The following SGMS1 variants were observed in gnomAD, a reference collection of about 807,000 sequenced individuals.
SGMS1 encodes phosphatidylcholine:ceramide cholinephosphotransferase 1.
In SGMS1, 13 loss-of-function variants were observed where a neutral mutation model predicts 46.2. The ratio of observed to expected loss-of-function variants is 0.28; its 90% CI spans 0.18 to 0.45. The LOEUF is 0.45. Ranked by LOEUF, SGMS1 falls within the 20% of genes least tolerant of loss-of-function variation. The pLI is 1.00. For missense variants in SGMS1, 324 were observed against 519.9 expected (o/e 0.62, Z 3.66); for synonymous variants, 203 against 187.8 (o/e 1.08, Z -0.66).
At chr10:50,367,262 C>T (rs2133433154) in intron 6 of SGMS1, among the ~76,000 whole-genome samples, 1 of 152,194 alleles carries the variant, frequency 6.6e-6, no homozygotes, top group East Asian at 1.9e-4. Flanking sequence ...GGAACACAAC[C>T]CTAGGGACTA....
intron 3 of SGMS1, among the ~76,000 whole-genome samples, chr10:50,503,095 A>G (rs1008464143): frequency 2.6e-5 from 4 of 152,212 alleles, no homozygotes; most frequent in African/African-American, 9.7e-5. Context: ...AGAATCCTTT[A>G]TTCCTTAAAG....
chr10:50,498,886 C>T (rs796236860), intron 3 of SGMS1, among the ~76,000 whole-genome samples: 1 of 152,150 alleles, frequency 6.6e-6, no homozygotes, highest in South Asian at 2.1e-4. Flanking sequence ...CAGGAACTGT[C>T]ATATTGTTTT....
At chr10:50,387,344 C>T (rs1458771204) in intron 6 of SGMS1, among the ~76,000 whole-genome samples, 4 of 152,182 alleles carry the variant, frequency 2.6e-5, no homozygotes, top group Non-Finnish European at 4.4e-5. Context: ...AACACATACA[C>T]CCACTTCCTC....
chr10:50,517,924 TAA>T (rs1436305387), intron 3 of SGMS1, among the ~76,000 whole-genome samples: 1 of 151,736 alleles, frequency 6.6e-6, no homozygotes, highest in Non-Finnish European at 1.5e-5. Flanking sequence ...AAGAGTGAAA[TAA>T]AGACATTTCA....
upstream of SGMS1, chr10:50,624,787 C>T: frequency 3.0e-6 from 3 of 986,426 alleles, no homozygotes; most frequent in Non-Finnish European, 3.6e-6. Flanking sequence ...CTGGCCTTCC[C>T]GCCCCGATGC....
intron 1 of SGMS1, among the ~76,000 whole-genome samples, chr10:50,604,989 C>T (rs1401998536): frequency 6.6e-6 from 1 of 152,228 alleles, no homozygotes; most frequent in Non-Finnish European, 1.5e-5. Flanking sequence ...TTTAAAACCA[C>T]CAGTTAGTCA....
At chr10:50,394,438 T>C (rs2133517962) in intron 6 of SGMS1, among the ~76,000 whole-genome samples, 1 of 152,334 alleles carries the variant, frequency 6.6e-6, no homozygotes, top group South Asian at 2.1e-4. Context: ...TTATGACACC[T>C]GACAAAGCAG....
intron 7 of SGMS1, among the ~76,000 whole-genome samples, chr10:50,329,500 G>T (rs764011452): frequency 3.3e-5 from 5 of 152,312 alleles, no homozygotes; most frequent in Non-Finnish European, 7.4e-5. Flanking sequence ...AGCTTAGAAT[G>T]TCTTTGGCGT....
intron 2 of SGMS1, among the ~76,000 whole-genome samples, chr10:50,582,702 T>C (rs1374995044): frequency 6.6e-6 from 1 of 152,222 alleles, no homozygotes; most frequent in East Asian, 1.9e-4. Context: ...GCACCGTTCA[T>C]GTGGGAAGCT....
intron 6 of SGMS1, among the ~76,000 whole-genome samples, chr10:50,359,090 T>C (rs985031213): frequency 1.2e-4 from 18 of 152,190 alleles, no homozygotes; most frequent in Admixed American, 8.5e-4. Flanking sequence ...TCATCCCCTA[T>C]GAAATGGCCC....
Position 50,574,652 on chromosome 10 carries a change from T to G in SGMS1, c.-589+15501A>C, listed in dbSNP as rs1467810575. Reference sequence around the variant, plus strand: ...CTTGTGGGTATATATCCAAAAGAACTGAAATCAGGATCTTGAGGAGATACC... The same window carrying G: ...CTTGTGGGTATATATCCAAAAGAACGGAAATCAGGATCTTGAGGAGATACC... On this transcript the variant is annotated intron_variant, in intron 2 of 10. Transcript: ENST00000361781. Among the ~76,000 whole-genome samples the G allele has an allele frequency of 3.9e-5, 6 of 152,052 alleles. No homozygotes were observed. The South Asian group carries it at 1.2e-3, about 32-fold the overall frequency.
intron 1 of SGMS1, among the ~76,000 whole-genome samples, chr10:50,593,157 A>G (rs183052595): frequency 1.3e-5 from 2 of 152,346 alleles, no homozygotes; most frequent in African/African-American, 4.8e-5. Flanking sequence ...GCCTCTTGCC[A>G]AGAACCAGCA....
chr10:50,404,457 A>G (rs1848985339), intron 6 of SGMS1, among the ~76,000 whole-genome samples: 1 of 152,050 alleles, frequency 6.6e-6, no homozygotes, highest in African/African-American at 2.4e-5. Flanking sequence ...AAAATACAAA[A>G]AACTAGGTGG....
intron 6 of SGMS1, among the ~76,000 whole-genome samples, chr10:50,378,218 T>C (rs553633101): frequency 6.6e-6 from 1 of 152,332 alleles, no homozygotes; most frequent in African/African-American, 2.4e-5. Flanking sequence ...ACTTGATTAA[T>C]GGAGCCATCT....
At chr10:50,487,854 G>A (rs2133732974) in intron 3 of SGMS1, among the ~76,000 whole-genome samples, 1 of 151,840 alleles carries the variant, frequency 6.6e-6, no homozygotes, top group Middle Eastern at 3.4e-3. Flanking sequence ...AAACATAATT[G>A]GGTTTTATCC....
At chr10:50,517,112 A>G (rs1241419360) in intron 3 of SGMS1, among the ~76,000 whole-genome samples, 1 of 152,194 alleles carries the variant, frequency 6.6e-6, no homozygotes, top group South Asian at 2.1e-4. Flanking sequence ...CCTGGCTCCT[A>G]GCACAAACAA....
intron 3 of SGMS1, among the ~76,000 whole-genome samples, chr10:50,484,271 A>G (rs1415049463): frequency 6.6e-6 from 1 of 152,186 alleles, no homozygotes; most frequent in Non-Finnish European, 1.5e-5. Context: ...AAACACCTCT[A>G]TGCAAAAAAA....
chr10:50,458,339 C>CTTTTTT lies in SGMS1; in HGVS notation c.-313+2328_-313+2333dup, dbSNP rs750349777. ...TCTGGCTCTGCTATTTTCTTTTTCT[C>CTTTTTT]TTTTTTTTTTTTTTTTTTTTTTTTT... On this transcript the variant is annotated intron_variant, in intron 5 of 10. Coordinates refer to ENST00000361781, the MANE Select transcript of SGMS1 (RefSeq NM_147156.4). Among the ~76,000 whole-genome samples, 847 of 97,152 alleles carry CTTTTTT rather than the reference C, an allele frequency of 8.7e-3. 27 individuals carry two copies. Among genetic ancestry groups the CTTTTTT allele is most frequent in the Middle Eastern group, 0.017 (2 of 118 alleles). The allele number at this position is 97,152 out of a possible 152,430, so 63.7% of individuals were successfully genotyped here.
chr10:50,371,275 T>C (rs1189555799), intron 6 of SGMS1, among the ~76,000 whole-genome samples: 1 of 152,206 alleles, frequency 6.6e-6, no homozygotes, highest in African/African-American at 2.4e-5. Flanking sequence ...ATGCCACGCA[T>C]GACTCTCCTT....
Sources: gnomAD v4.1 joint callset for allele counts (sites outside exome capture counted in the v4.1 genomes callset) on GRCh38, gnomAD v4.1.1 for gene constraint, MANE v1.5 for transcripts, NCBI Gene and HGNC (gene_info 2026-07-23, HGNC 2026-07-21) for gene names.